Variants in SAMMSON observed in about 807,000 individuals in gnomAD.
SAMMSON encodes the protein long intergenic non-protein coding RNA 1212.
At chr3:70,258,912 AT>A (rs1002557439) in intron 6 of SAMMSON, among the ~76,000 whole-genome samples, 4 of 151,422 alleles carry the variant, frequency 2.6e-5, no homozygotes, top group Admixed American at 6.6e-5. Flanking sequence ...AATTTCTTTA[AT>A]TTTTTCACAG....
At chr3:70,426,972 T>C (rs1279543489) in intron 2 of SAMMSON, among the ~76,000 whole-genome samples, 1 of 152,246 alleles carries the variant, frequency 6.6e-6, no homozygotes, top group Non-Finnish European at 1.5e-5. Flanking sequence ...AATTAGAGAA[T>C]AAAATGTTAC....
At chr3:70,314,750 A>G (rs1702484337) in intron 7 of SAMMSON, among the ~76,000 whole-genome samples, 2 of 152,096 alleles carry the variant, frequency 1.3e-5, no homozygotes, top group Admixed American at 1.3e-4. Context: ...AAATTCCAAG[A>G]TGGATTTGGA....
intron 2 of SAMMSON, among the ~76,000 whole-genome samples, chr3:70,410,731 T>C (rs539075267): frequency 6.6e-6 from 1 of 152,172 alleles, no homozygotes; most frequent in Non-Finnish European, 1.5e-5. Flanking sequence ...CATAATGAAC[T>C]TAAGAAATTA....
intron 3 of SAMMSON, among the ~76,000 whole-genome samples, chr3:70,018,037 A>C (rs1416059497): frequency 6.6e-6 from 1 of 152,106 alleles, no homozygotes; most frequent in Non-Finnish European, 1.5e-5. Context: ...ATATTGGTCT[A>C]AAATTCTCTT....
intron 3 of SAMMSON, among the ~76,000 whole-genome samples, chr3:70,021,139 G>A (rs987444139): frequency 6.6e-6 from 1 of 152,128 alleles, no homozygotes; most frequent in Non-Finnish European, 1.5e-5. Flanking sequence ...CCCTGTGTGT[G>A]TGTACATTCA....
rs144935525 is a variant in SAMMSON at position 70,381,336 on chromosome 3, A to G, written n.914-8238A>G. Among the ~76,000 whole-genome samples the G allele has an allele frequency of 6.0e-3, 913 of 152,304 alleles. 5 individuals are homozygous for G. Among genetic ancestry groups the G allele is most frequent in the Middle Eastern group, 0.027 (8 of 294 alleles). On this transcript the variant is annotated intron_variant and non_coding_transcript_variant, in intron 9 of 9. Transcript: ENST00000642114. ...TAAATGTGGAATGAGTGACAGAAAA[A>G]TTGCCATTTTGCAATCTTAATGAAC... is the stretch of plus-strand genomic sequence containing the variant.
At chr3:70,005,203 T>C (rs1337903405) in intron 1 of SAMMSON, among the ~76,000 whole-genome samples, 1 of 152,238 alleles carries the variant, frequency 6.6e-6, no homozygotes, top group African/African-American at 2.4e-5. Context: ...TCTGTGGTTA[T>C]TCTCTTATCC....
chr3:70,042,844 T>C (rs1576106332), intron 3 of SAMMSON, among the ~76,000 whole-genome samples: 1 of 152,182 alleles, frequency 6.6e-6, no homozygotes, highest in East Asian at 1.9e-4. Flanking sequence ...TAGCTGGAAA[T>C]TGTGGGGATA....
intron 4 of SAMMSON, among the ~76,000 whole-genome samples, chr3:70,215,242 T>C (rs986504856): frequency 2.0e-5 from 3 of 152,132 alleles, no homozygotes; most frequent in Non-Finnish European, 4.4e-5. Flanking sequence ...TTTTAGTGGT[T>C]TGCCCAAGAT....
chr3:70,187,622 C>G (rs112209645), intron 4 of SAMMSON, among the ~76,000 whole-genome samples: 22,559 of 150,948 alleles, frequency 0.15, 1,828 homozygotes, highest in Non-Finnish European at 0.19. Context: ...ATTTTTAGTA[C>G]AGACGGGGTT....
chr3:70,257,740 A>T (rs1701829838), intron 6 of SAMMSON, among the ~76,000 whole-genome samples: 1 of 152,168 alleles, frequency 6.6e-6, no homozygotes, highest in Non-Finnish European at 1.5e-5. Context: ...TCCTCTGCCA[A>T]ATGACTTATG....
intron 4 of SAMMSON, among the ~76,000 whole-genome samples, chr3:70,139,631 C>T (rs766760690): frequency 2.6e-5 from 4 of 152,064 alleles, no homozygotes; most frequent in East Asian, 3.9e-4. Context: ...TTGAGGAGTA[C>T]GGTTATGGAG....
intron 3 of SAMMSON, among the ~76,000 whole-genome samples, chr3:70,051,825 C>A (rs982808179): frequency 6.6e-6 from 1 of 152,032 alleles, no homozygotes; most frequent in Non-Finnish European, 1.5e-5. Flanking sequence ...CAGGCTGGTG[C>A]AGTGGCTCAT....
At chr3:70,249,897 G>T (rs1018365989) in intron 6 of SAMMSON, among the ~76,000 whole-genome samples, 2 of 152,110 alleles carry the variant, frequency 1.3e-5, no homozygotes, top group African/African-American at 4.8e-5. Context: ...TCTTGAGGGG[G>T]CAAGAGAATT....
At chr3:70,186,047 C>T (rs1315399389) in intron 4 of SAMMSON, among the ~76,000 whole-genome samples, 1 of 152,000 alleles carries the variant, frequency 6.6e-6, no homozygotes, top group African/African-American at 2.4e-5. Context: ...TCCACTGTGA[C>T]CTACAGAGAT....
In SAMMSON at chr3:70,243,887, A is replaced by G. The variant is rs187379436; in HGVS notation, n.508-5220A>G. 1.7e-3 allele frequency among the ~76,000 whole-genome samples: 264 copies of G among 152,260 alleles called. 2 individuals are homozygous for G. The highest frequency in any genetic ancestry group is 3.2e-3 in the Non-Finnish European group (220 of 68,022). On this transcript the variant is annotated intron_variant and non_coding_transcript_variant, in intron 4 of 9. Transcript: ENST00000642114. The stretch of plus-strand genomic sequence containing the variant: ...ATTGTATCACACATCCCTGGAGAAA[A>G]TACTGTAATAATTGTCTATAGTTTC...
chr3:70,082,211 C>T (rs2067270074), intron 4 of SAMMSON, among the ~76,000 whole-genome samples: 1 of 152,178 alleles, frequency 6.6e-6, no homozygotes, highest in Non-Finnish European at 1.5e-5. Flanking sequence ...AGGAGACCCA[C>T]TCTGGCTCAA....
At chr3:70,425,192 T>C (rs1026596802) in intron 2 of SAMMSON, 2 of 152,234 alleles carry the variant, frequency 1.3e-5, no homozygotes, top group Non-Finnish European at 2.9e-5. Context: ...GTCACATCAT[T>C]TAATTTCCTT....
chr3:70,106,505 TA>T (rs1268779940), intron 4 of SAMMSON, among the ~76,000 whole-genome samples: 3 of 102,288 alleles, frequency 2.9e-5, no homozygotes, highest in African/African-American at 4.2e-5. Flanking sequence ...CATGCCTGGC[TA>T]TTTTTTTTTT....
Sources: gnomAD v4.1 joint callset for allele counts (sites outside exome capture counted in the v4.1 genomes callset) on GRCh38, gnomAD v4.1.1 for gene constraint, MANE v1.5 for transcripts, NCBI Gene and HGNC (gene_info 2026-07-23, HGNC 2026-07-21) for gene names.